Variants in ZSWIM5 observed in about 807,000 individuals in gnomAD.
ZSWIM5 encodes the protein zinc finger SWIM domain-containing protein 5.
ZSWIM5 carries 55 observed loss-of-function variants against 119.6 expected under a neutral mutation model. The observed-to-expected ratio is 0.46, with a 90% CI of 0.37 to 0.58. The LOEUF (loss-of-function observed/expected upper bound fraction) is 0.58. ZSWIM5 is among the 20% of genes least tolerant of loss of function. The pLI is 0.00. For synonymous variants in ZSWIM5, 537 were observed against 606.9 expected, an observed-to-expected ratio of 0.88 and a Z score of 1.69; for missense variants, 1,193 against 1,512.8, an observed-to-expected ratio of 0.79 and a Z score of 3.51.
rs1645536163 is a variant in ZSWIM5 at position 45,114,534 on chromosome 1, G to A, written c.596-26297C>T. Among the ~76,000 whole-genome samples the A allele has an allele frequency of 1.3e-5, 2 of 151,936 alleles. 1 individual carries two copies. Among genetic ancestry groups the A allele is most frequent in the South Asian group, 4.2e-4 (2 of 4,812 alleles). On this transcript the variant is annotated intron_variant, in intron 1 of 13. Transcript: ENST00000359600. ...CGGGTAAATTCGCTATTTTAGTGGAGACTTCAATACTTCCTTTTTCAATAA... is the reference window on the plus strand; with the variant it reads ...CGGGTAAATTCGCTATTTTAGTGGAAACTTCAATACTTCCTTTTTCAATAA...
Position 45,072,138 on chromosome 1 carries a change from T to C in ZSWIM5, c.953-11891A>G, listed in dbSNP as rs111290334. ...CCATTTTTACTGAGGTGAGATGATA[T>C]GTCATTGTGGTTTTGATTTGCATTT... is the stretch of plus-strand genomic sequence containing the variant. On this transcript the variant is annotated intron_variant, in intron 2 of 13. Transcript: ENST00000359600. The surrounding 1 kb of genome is among the most constrained non-coding windows in gnomAD (Gnocchi z 4.1). 8.4e-3 allele frequency among the ~76,000 whole-genome samples: 1,261 copies of C among 150,852 alleles called. 41 individuals carry two copies. Among genetic ancestry groups the C allele is most frequent in the African/African-American group, 0.03 (1,212 of 40,132 alleles).
chr1:45,023,802 G>A (rs72684412), intron 11 of ZSWIM5, among the ~76,000 whole-genome samples: 7,235 of 152,190 alleles, frequency 0.048, 242 homozygotes, highest in East Asian at 0.12. Context: ...GTCTTCTAAA[G>A]TAACTGTACC....
chr1:45,175,221 C>A (rs1375515092), intron 1 of ZSWIM5, among the ~76,000 whole-genome samples: 1 of 152,026 alleles, frequency 6.6e-6, no homozygotes, highest in Non-Finnish European at 1.5e-5. Flanking sequence ...CTATCTTTGG[C>A]AGTAATATCA....
At chr1:45,025,247 A>G (rs1480953932) in intron 11 of ZSWIM5, among the ~76,000 whole-genome samples, 2 of 152,164 alleles carry the variant, frequency 1.3e-5, no homozygotes, top group Non-Finnish European at 2.9e-5. Flanking sequence ...AAGTGTTTCC[A>G]TTGGGTAGTG....
chr1:45,079,318 C>T (rs528971047), intron 2 of ZSWIM5, among the ~76,000 whole-genome samples: 3 of 152,348 alleles, frequency 2.0e-5, no homozygotes, highest in Admixed American at 2.0e-4. Context: ...TTACACAAAG[C>T]CTGTTTGGTG....
intron 11 of ZSWIM5, among the ~76,000 whole-genome samples, chr1:45,021,180 C>T (rs902917676): frequency 8.3e-4 from 127 of 152,218 alleles, no homozygotes; most frequent in African/African-American, 3.0e-3. Context: ...GGACTACGGG[C>T]GCCCGCCACC....
intron 1 of ZSWIM5, among the ~76,000 whole-genome samples, chr1:45,121,293 T>C (rs559038365): frequency 1.3e-5 from 2 of 151,824 alleles, no homozygotes; most frequent in Non-Finnish European, 2.9e-5. Context: ...TTTTTTCTCA[T>C]ACAGTAGTCA....
intron 1 of ZSWIM5, among the ~76,000 whole-genome samples, chr1:45,150,084 T>G (rs1040714548): frequency 6.0e-5 from 9 of 150,014 alleles, no homozygotes; most frequent in Non-Finnish European, 1.5e-5. Flanking sequence ...GCAGGAGGAC[T>G]GTTTGAGCCC....
chr1:45,138,613 G>C (rs1284275090), intron 1 of ZSWIM5, among the ~76,000 whole-genome samples: 1 of 152,050 alleles, frequency 6.6e-6, no homozygotes, highest in African/African-American at 2.4e-5. Context: ...GGTTCCGCAG[G>C]GCTGACTATG....
intron 1 of ZSWIM5, among the ~76,000 whole-genome samples, chr1:45,171,119 T>C (rs1441710796): frequency 6.6e-6 from 1 of 152,032 alleles, no homozygotes; most frequent in Non-Finnish European, 1.5e-5. Context: ...ACTAAGAAAA[T>C]TCAACATGAG....
chr1:45,050,313 C>T (rs1335843681), intron 5 of ZSWIM5, among the ~76,000 whole-genome samples: 8 of 152,080 alleles, frequency 5.3e-5, no homozygotes, highest in East Asian at 3.9e-4. Flanking sequence ...GCCAAGATCG[C>T]GCCACTGCAC....
chr1:45,020,891 A>AT, intron 11 of ZSWIM5, 103 bp from the exon 12 acceptor site: 1 of 1,307,896 alleles, frequency 7.6e-7, no homozygotes, highest in Non-Finnish European at 1.1e-6. Flanking sequence ...CAATTCATTG[A>AT]ATGCTTCTGA....
intron 7 of ZSWIM5, among the ~76,000 whole-genome samples, chr1:45,040,003 C>T (rs1305145263): frequency 1.3e-5 from 2 of 151,700 alleles, no homozygotes; most frequent in Non-Finnish European, 2.9e-5. Flanking sequence ...CCATGCCTGG[C>T]CTTTATTTTA....
chr1:45,039,174 AG>A, intron 7 of ZSWIM5, 101 bp from the exon 8 acceptor site: 1 of 1,401,278 alleles, frequency 7.1e-7, no homozygotes. Flanking sequence ...TGACCCTGAG[AG>A]TCAAATAAAA....
intron 1 of ZSWIM5, among the ~76,000 whole-genome samples, chr1:45,110,516 G>A (rs1364108435): frequency 6.6e-6 from 1 of 152,182 alleles, no homozygotes; most frequent in East Asian, 1.9e-4. Flanking sequence ...GAGGGTGAAT[G>A]AAAATACTCT....
chr1:45,034,618 C>T (rs1459053811), intron 10 of ZSWIM5, 149 bp from the exon 11 acceptor site: 4 of 885,086 alleles, frequency 4.5e-6, no homozygotes, highest in Non-Finnish European at 6.6e-6. Flanking sequence ...TGGTACTATA[C>T]ACTATATGAG....
At chr1:45,061,748 T>G (rs1046115659) in intron 2 of ZSWIM5, among the ~76,000 whole-genome samples, 3 of 152,134 alleles carry the variant, frequency 2.0e-5, no homozygotes, top group African/African-American at 7.2e-5. Flanking sequence ...GTTTTTTTTT[T>G]TTTTTTGATG....
At chr1:45,163,610 C>G (rs1050669340) in intron 1 of ZSWIM5, among the ~76,000 whole-genome samples, 1 of 152,158 alleles carries the variant, frequency 6.6e-6, no homozygotes, top group African/African-American at 2.4e-5. Flanking sequence ...CTAGAATAAA[C>G]AGCATAGAGA....
chr1:45,120,156 C>T (rs1645582572), intron 1 of ZSWIM5, among the ~76,000 whole-genome samples: 1 of 152,116 alleles, frequency 6.6e-6, no homozygotes, highest in Admixed American at 6.5e-5. Context: ...CTAGCCTGGC[C>T]AACATGGTGA....
Sources: allele counts gnomAD v4.1 joint callset (sites outside exome capture counted in the v4.1 genomes callset), GRCh38; gene constraint gnomAD v4.1.1; non-coding constraint Gnocchi (gnomAD v3.1); transcripts MANE v1.5; gene names NCBI Gene and HGNC (gene_info 2026-07-23, HGNC 2026-07-21).